The following SPOCK1 variants were observed in gnomAD, a reference collection of about 807,000 sequenced individuals.
SPOCK1 encodes SPARC (osteonectin), cwcv and kazal like domains proteoglycan 1.
SPOCK1 carries 23 observed loss-of-function variants against 55.3 expected under a neutral mutation model. The observed-to-expected ratio is 0.42, with a 90% CI of 0.30 to 0.59. The LOEUF (loss-of-function observed/expected upper bound fraction) is 0.59. Ranked by LOEUF, SPOCK1 falls within the 20% of genes least tolerant of loss-of-function variation. The probability of loss-of-function intolerance (pLI) is 0.22; values close to 1 mark genes in which losing one functional copy is unlikely to be tolerated. For synonymous variants in SPOCK1, 226 were observed against 221.0 expected, an observed-to-expected ratio of 1.02 and a Z score of -0.20; for missense variants, 499 against 552.5, an observed-to-expected ratio of 0.90 and a Z score of 0.97.
intron 2 of SPOCK1, among the ~76,000 whole-genome samples, chr5:137,444,378 A>G (rs1580930775): frequency 6.6e-6 from 1 of 152,180 alleles, no homozygotes; most frequent in Non-Finnish European, 1.5e-5. Context: ...CTGGTGTCAC[A>G]ATAGGGTTGG....
At chr5:137,322,699 C>A (rs1415062502) in intron 2 of SPOCK1, among the ~76,000 whole-genome samples, 3 of 150,222 alleles carry the variant, frequency 2.0e-5, no homozygotes, top group African/African-American at 7.4e-5. Context: ...GGAATCAAAG[C>A]ATATCCTTAC....
At chr5:137,385,278 C>T (rs984431739) in intron 2 of SPOCK1, among the ~76,000 whole-genome samples, 1 of 152,072 alleles carries the variant, frequency 6.6e-6, no homozygotes, top group East Asian at 1.9e-4. Flanking sequence ...TATAAAGGTC[C>T]GTGGTCTCAG....
At chr5:137,283,250 C>A (rs2127126399) in intron 2 of SPOCK1, among the ~76,000 whole-genome samples, 1 of 152,330 alleles carries the variant, frequency 6.6e-6, no homozygotes, top group East Asian at 1.9e-4. Context: ...TTCCTCCCTA[C>A]CTTTGCTCCT....
intron 6 of SPOCK1, among the ~76,000 whole-genome samples, chr5:137,016,358 T>C (rs1049890905): frequency 6.6e-6 from 1 of 152,238 alleles, no homozygotes; most frequent in Non-Finnish European, 1.5e-5. Context: ...AGTGGGTATT[T>C]AACAAGCCGG....
chr5:137,233,412 G>A (rs1195840823), intron 3 of SPOCK1, among the ~76,000 whole-genome samples: 1 of 152,122 alleles, frequency 6.6e-6, no homozygotes, highest in Admixed American at 6.5e-5. Context: ...GGGTTCATGT[G>A]CCTATGAGAA....
intron 2 of SPOCK1, among the ~76,000 whole-genome samples, chr5:137,409,755 G>A (rs1379271346): frequency 1.3e-5 from 2 of 152,180 alleles, no homozygotes; most frequent in African/African-American, 4.8e-5. Flanking sequence ...ACTTTCCTAT[G>A]TTTCTGTTAG....
chr5:137,041,451 A>C (rs1220724231), intron 6 of SPOCK1, among the ~76,000 whole-genome samples: 1 of 152,236 alleles, frequency 6.6e-6, no homozygotes, highest in Non-Finnish European at 1.5e-5. Context: ...CTATAAAAGA[A>C]AAAATAGATA....
At chr5:137,288,998 CAG>C (rs2127129625) in intron 2 of SPOCK1, among the ~76,000 whole-genome samples, 1 of 152,296 alleles carries the variant, frequency 6.6e-6, no homozygotes, top group South Asian at 2.1e-4. Context: ...CAGAGCAGTG[CAG>C]TAGAGTACTG....
chr5:137,379,795 G>C (rs888485792), intron 2 of SPOCK1, among the ~76,000 whole-genome samples: 5 of 152,154 alleles, frequency 3.3e-5, no homozygotes, highest in African/African-American at 1.2e-4. Flanking sequence ...TGTGACAATA[G>C]AAGCTGTAAG....
At chr5:137,168,351 G>A (rs1489050258) in intron 3 of SPOCK1, among the ~76,000 whole-genome samples, 2 of 152,026 alleles carry the variant, frequency 1.3e-5, no homozygotes, top group African/African-American at 4.8e-5. Flanking sequence ...ATGGAAAAAT[G>A]GGATCACACG....
intron 2 of SPOCK1, among the ~76,000 whole-genome samples, chr5:137,449,466 A>G (rs2149834250): frequency 6.6e-6 from 1 of 152,190 alleles, no homozygotes. Context: ...CTGTGTTTCC[A>G]TGGCCAGCAA....
At chr5:137,404,434 G>C (rs202089981) in intron 2 of SPOCK1, among the ~76,000 whole-genome samples, 1 of 52,422 alleles carries the variant, frequency 1.9e-5, no homozygotes, top group Non-Finnish European at 4.5e-5. Flanking sequence ...TTTTGAGACA[G>C]AGTCTTGCAC....
At chr5:137,181,820 C>T (rs142486314) in intron 3 of SPOCK1, among the ~76,000 whole-genome samples, 15 of 152,324 alleles carry the variant, frequency 9.8e-5, no homozygotes, top group African/African-American at 3.1e-4. Context: ...TGGGCAGATG[C>T]CTGCCTGGGA....
chr5:137,100,261 T>C (rs1469364899), intron 5 of SPOCK1, among the ~76,000 whole-genome samples: 1 of 152,202 alleles, frequency 6.6e-6, no homozygotes, highest in African/African-American at 2.4e-5. Flanking sequence ...TAGGGCTAGA[T>C]GTGGGTGAGG....
rs1244394894 is a variant in SPOCK1, at chr5:137,499,297, T to C, written c.-119A>G. 3.3e-5 allele frequency: 5 copies of C among 151,672 alleles called. No individual in the cohort carries two copies. The highest frequency in any genetic ancestry group is 5.9e-5 in the Non-Finnish European group (4 of 67,916). The allele number at this position is 151,672 out of a possible 1,614,324, so 9.4% of individuals were successfully genotyped here. ...TCCTGCCACACGCCGCCGCCGAGCG[T>C]CTGGCCGCTTTGTGAGCCCGCAGCG... On this transcript the variant is annotated 5_prime_UTR_variant, in exon 1 of 11. Transcript: ENST00000394945.
rs1561463305 is a variant in SPOCK1 at position 137,179,809 on chromosome 5, T to A, written c.233-39115A>T. ...AAAAATGGGGGGATTAATAAGACTG[T>A]CCCTACTACTTCCTGGGGCTTTTCT... On this transcript the variant is annotated intron_variant, in intron 3 of 10. Coordinates refer to ENST00000394945, the MANE Select transcript of SPOCK1 (RefSeq NM_004598.4). Among the ~76,000 whole-genome samples the A allele has an allele frequency of 2.0e-5, 3 of 152,136 alleles. No individual in the cohort carries two copies. The South Asian group carries it at 6.2e-4, about 31-fold the overall frequency.
chr5:137,313,825 T>A (rs945934867), intron 2 of SPOCK1, among the ~76,000 whole-genome samples: 1 of 151,154 alleles, frequency 6.6e-6, no homozygotes, highest in Admixed American at 6.6e-5. Flanking sequence ...TCTGATCATA[T>A]ACTGCAAGGC....
chr5:137,137,071 CACAG>C (rs2127048972), intron 4 of SPOCK1, among the ~76,000 whole-genome samples: 1 of 152,334 alleles, frequency 6.6e-6, no homozygotes, highest in East Asian at 1.9e-4. Flanking sequence ...ACTCAATCTC[CACAG>C]ACAAAGAAAG....
chr5:136,995,456 G>A (rs1468778122), intron 6 of SPOCK1, among the ~76,000 whole-genome samples: 1 of 152,164 alleles, frequency 6.6e-6, no homozygotes, highest in Non-Finnish European at 1.5e-5. Flanking sequence ...GGGGCCCTAG[G>A]TTTTCACTTT....
Sources: gnomAD v4.1 joint callset for allele counts (sites outside exome capture counted in the v4.1 genomes callset) on GRCh38, gnomAD v4.1.1 for gene constraint, MANE v1.5 for transcripts, NCBI Gene and HGNC (gene_info 2026-07-23, HGNC 2026-07-21) for gene names.